TENM2: variants seen among roughly 807,000 people sequenced by gnomAD.
TENM2 encodes teneurin transmembrane protein 2.
TENM2 carries 52 observed loss-of-function variants against 245.2 expected under a neutral mutation model. The observed-to-expected ratio is 0.21, with a 90% CI of 0.17 to 0.27. The LOEUF (loss-of-function observed/expected upper bound fraction) is 0.27. Among genes scored for constraint, TENM2 ranks in the 10% least tolerant of loss-of-function variants. The pLI is 1.00. For synonymous variants in TENM2, 1,363 were observed against 1,438.9 expected (o/e 0.95, Z 1.19); for missense variants, 3,046 against 3,666.8 (o/e 0.83, Z 4.37).
chr5:166,993,984 C>CT, the TENM2 span, among the ~76,000 whole-genome samples: 2 of 152,222 alleles, frequency 1.3e-5, no homozygotes, highest in South Asian at 4.1e-4. Context: ...GAAAGATGAT[C>CT]TTTTTTTCAC....
intron 4 of TENM2, among the ~76,000 whole-genome samples, chr5:167,970,388 A>G (rs553938798): frequency 3.5e-4 from 54 of 152,256 alleles, no homozygotes; most frequent in African/African-American, 1.2e-3. Context: ...ACATTTTCTA[A>G]TTAAAACATG....
the TENM2 span, among the ~76,000 whole-genome samples, chr5:167,046,066 C>T: frequency 6.6e-6 from 1 of 152,184 alleles, no homozygotes; most frequent in Non-Finnish European, 1.5e-5. Context: ...TGAAAACATA[C>T]TGATATAGCC....
At chr5:168,046,764 C>G (rs1788644668) in intron 5 of TENM2, among the ~76,000 whole-genome samples, 1 of 152,108 alleles carries the variant, frequency 6.6e-6, no homozygotes, top group African/African-American at 2.4e-5. Flanking sequence ...AGAAAAGGAC[C>G]CCATTCCACC....
intron 1 of TENM2, among the ~76,000 whole-genome samples, chr5:167,350,562 G>T (rs1053734574): frequency 7.1e-6 from 1 of 141,634 alleles, no homozygotes; most frequent in African/African-American, 2.6e-5. Flanking sequence ...ATATATATGG[G>T]ATATATATAG....
At chr5:166,980,857 C>T in the TENM2 span, among the ~76,000 whole-genome samples, 9 of 152,208 alleles carry the variant, frequency 5.9e-5, no homozygotes, top group Admixed American at 4.6e-4. Flanking sequence ...CACATACATT[C>T]TACAGAGGGA....
In TENM2 at chr5:168,226,068, ATCT is replaced by A; in HGVS notation, c.5109-19_5109-17del. 1 of 1,607,794 alleles carries A rather than the reference ATCT, an allele frequency of 6.2e-7. No homozygotes were observed. The highest frequency in any genetic ancestry group is 1.1e-5 in the South Asian group (1 of 90,044). On this transcript the variant is annotated splice_polypyrimidine_tract_variant and intron_variant, in intron 23 of 28. Transcript: ENST00000518659. Reference sequence around the variant, plus strand: ...GACTGCTGCTAACCAGGGTTTATCTATCTATCTATCTCCCCCCAGCTATGACCA... The same window carrying A: ...GACTGCTGCTAACCAGGGTTTATCTAATCTATCTCCCCCCAGCTATGACCA...
intron 2 of TENM2, among the ~76,000 whole-genome samples, chr5:167,488,945 G>T (rs1293842731): frequency 6.6e-6 from 1 of 152,070 alleles, no homozygotes; most frequent in African/African-American, 2.4e-5. Context: ...CTTGATTTGT[G>T]CCCTGTCTGC....
intron 2 of TENM2, among the ~76,000 whole-genome samples, chr5:167,470,272 G>C (rs985686708): frequency 6.6e-6 from 1 of 151,934 alleles, no homozygotes; most frequent in Non-Finnish European, 1.5e-5. Flanking sequence ...AGGAAGTTAT[G>C]TTTGTCTATA....
intron 3 of TENM2, chr5:167,948,771 A>G (rs939014738): frequency 6.6e-6 from 1 of 152,238 alleles, no homozygotes; most frequent in Non-Finnish European, 1.5e-5. Flanking sequence ...AAGAGCTCTT[A>G]GTAATATGCA....
chr5:168,231,780 C>CA (rs144113234), intron 25 of TENM2, among the ~76,000 whole-genome samples: 2,491 of 133,952 alleles, frequency 0.019, 37 homozygotes, highest in East Asian at 0.063. Flanking sequence ...CAACAACAAC[C>CA]AAAAAAAAAA....
chr5:168,035,728 A>G (rs995150863), intron 5 of TENM2, among the ~76,000 whole-genome samples: 4 of 152,174 alleles, frequency 2.6e-5, no homozygotes, highest in Non-Finnish European at 4.4e-5. Context: ...CTGCAGGAGA[A>G]GAGAAGTGCC....
At chr5:167,397,681 G>A (rs1762133457) in intron 2 of TENM2, among the ~76,000 whole-genome samples, 1 of 152,112 alleles carries the variant, frequency 6.6e-6, no homozygotes, top group African/African-American at 2.4e-5. Flanking sequence ...CTTATTCATA[G>A]GGTACAAGAT....
intron 25 of TENM2, among the ~76,000 whole-genome samples, chr5:168,228,709 A>ACTC (rs1296220469): frequency 1.3e-5 from 2 of 152,196 alleles, no homozygotes; most frequent in African/African-American, 4.8e-5. Flanking sequence ...GAGGGATGCC[A>ACTC]CTCAGCCTGA....
At chr5:167,328,204 G>GTTTTTTTTTTTTTTTTTTTTTTT (rs70976412) in intron 1 of TENM2, among the ~76,000 whole-genome samples, 2 of 91,016 alleles carry the variant, frequency 2.2e-5, no homozygotes, top group Non-Finnish European at 3.9e-5. Context: ...TTCTCATATC[G>GTTTTTTTTTTTTTTTTTTTTTTT]TTTTTTTTTT....
At chr5:167,385,723 C>T (rs2127348754) in intron 2 of TENM2, among the ~76,000 whole-genome samples, 1 of 152,028 alleles carries the variant, frequency 6.6e-6, no homozygotes, top group African/African-American at 2.4e-5. Context: ...CATCCTCATA[C>T]CTTAGCTCCC....
At chr5:167,391,622 CAAAAAAAAAA>C (rs56202184) in intron 2 of TENM2, among the ~76,000 whole-genome samples, 2 of 53,500 alleles carry the variant, frequency 3.7e-5, no homozygotes, top group African/African-American at 6.2e-5. Flanking sequence ...AAGACTTCAT[CAAAAAAAAAA>C]AAAAAAAAAA....
intron 4 of TENM2, among the ~76,000 whole-genome samples, chr5:167,987,384 A>G (rs1783325948): frequency 6.6e-6 from 1 of 151,062 alleles, no homozygotes; most frequent in African/African-American, 2.4e-5. Flanking sequence ...CTGGAGCGCA[A>G]TGGCACGGTC....
chr5:167,254,418 A>G, the TENM2 span, among the ~76,000 whole-genome samples: 1 of 152,278 alleles, frequency 6.6e-6, no homozygotes, highest in Non-Finnish European at 1.5e-5. Flanking sequence ...TTAGCTCTCT[A>G]TTATGCATTT....
intron 6 of TENM2, among the ~76,000 whole-genome samples, chr5:168,061,135 T>C (rs2152091865): frequency 6.6e-6 from 1 of 152,310 alleles, no homozygotes. Context: ...TTCTTAGGAA[T>C]ATAGAAGAAT....
Sources: allele counts gnomAD v4.1 joint callset (sites outside exome capture counted in the v4.1 genomes callset), GRCh38; gene constraint gnomAD v4.1.1; transcripts MANE v1.5; gene names NCBI Gene and HGNC (gene_info 2026-07-23, HGNC 2026-07-21).